The following PRR16 variants were observed in gnomAD, a reference collection of about 807,000 sequenced individuals.
The protein encoded by PRR16 is protein Largen.
In PRR16, 6 loss-of-function variants were observed where a neutral mutation model predicts 18.2. The ratio of observed to expected loss-of-function variants is 0.33; its 90% CI spans 0.18 to 0.65. PRR16 has a LOEUF of 0.65. Among genes scored for constraint, PRR16 ranks in the 30% least tolerant of loss-of-function variants. The pLI is 0.74. For synonymous variants in PRR16, 151 were observed against 147.8 expected (o/e 1.02, Z -0.16); for missense variants, 412 against 376.6 (o/e 1.09, Z -0.78).
At chr5:120,535,389 A>G (rs908835763) in intron 1 of PRR16, among the ~76,000 whole-genome samples, 2 of 152,202 alleles carry the variant, frequency 1.3e-5, no homozygotes, top group African/African-American at 2.4e-5. Flanking sequence ...TTATCAAAAC[A>G]TTGATAGTAA....
At chr5:120,496,884 A>G (rs1750262715) in intron 1 of PRR16, among the ~76,000 whole-genome samples, 1 of 152,052 alleles carries the variant, frequency 6.6e-6, no homozygotes, top group African/African-American at 2.4e-5. Context: ...TTCTCCACAT[A>G]TAGTGACTTG....
rs573860216 is a variant in PRR16 at position 120,673,755 on chromosome 5, A to T, written c.160-12199A>T. Among the ~76,000 whole-genome samples the T allele has an allele frequency of 2.0e-3, 304 of 152,190 alleles. 3 individuals are homozygous for T. The highest frequency in any genetic ancestry group is 3.4e-3 in the Admixed American group (52 of 15,268). Reference sequence around the variant, plus strand: ...GGTGTTTGAGACCAGCCTGTGCAACATAGCAGAAACCCATATCTAAAAAAA... The same window carrying T: ...GGTGTTTGAGACCAGCCTGTGCAACTTAGCAGAAACCCATATCTAAAAAAA... On this transcript the variant is annotated intron_variant, in intron 1 of 1. Transcript: ENST00000407149.
the PRR16 span, among the ~76,000 whole-genome samples, chr5:120,756,819 T>G: frequency 6.6e-6 from 1 of 152,134 alleles, no homozygotes; most frequent in Non-Finnish European, 1.5e-5. Context: ...CTTGTCAATT[T>G]TTGTTTTTGT....
At chr5:120,625,870 C>G (rs1051588576) in intron 1 of PRR16, among the ~76,000 whole-genome samples, 5 of 152,108 alleles carry the variant, frequency 3.3e-5, no homozygotes, top group Non-Finnish European at 5.9e-5. Flanking sequence ...ACCCTCATGA[C>G]AAGCTTATTT....
At chr5:120,503,937 A>C (rs907335288) in intron 1 of PRR16, among the ~76,000 whole-genome samples, 1 of 151,912 alleles carries the variant, frequency 6.6e-6, no homozygotes, top group East Asian at 1.9e-4. Flanking sequence ...ATGATTTCCA[A>C]TTTCATCCAT....
At chr5:120,642,730 C>G (rs113268710) in intron 1 of PRR16, among the ~76,000 whole-genome samples, 186 of 152,240 alleles carry the variant, frequency 1.2e-3, no homozygotes, top group African/African-American at 4.2e-3. Context: ...CAACTGGCTA[C>G]TCACCTTCTG....
At chr5:120,575,354 C>CACACACACACACACACACA (rs397698033) in intron 1 of PRR16, among the ~76,000 whole-genome samples, 2 of 150,376 alleles carry the variant, frequency 1.3e-5, no homozygotes, top group Non-Finnish European at 3.0e-5. Context: ...CACACACACA[C>CACACACACACACACACACA]GAAAACTACC....
the PRR16 span, among the ~76,000 whole-genome samples, chr5:120,752,882 A>G: frequency 6.6e-6 from 1 of 151,958 alleles, no homozygotes; most frequent in Non-Finnish European, 1.5e-5. Flanking sequence ...TTTCTCAGGT[A>G]CAGAATGGGC....
chr5:120,613,906 G>A (rs1561574574), intron 1 of PRR16, among the ~76,000 whole-genome samples: 1 of 152,146 alleles, frequency 6.6e-6, no homozygotes. Flanking sequence ...GATTCTCAGA[G>A]GATGGTGTTA....
intron 1 of PRR16, among the ~76,000 whole-genome samples, chr5:120,633,597 TTAAAG>T (rs1380225905): frequency 6.6e-6 from 1 of 151,946 alleles, no homozygotes; most frequent in Non-Finnish European, 1.5e-5. Context: ...AAAACAAACT[TTAAAG>T]TAACAGAAGT....
At chr5:120,658,792 A>G (rs1756074096) in intron 1 of PRR16, among the ~76,000 whole-genome samples, 1 of 152,010 alleles carries the variant, frequency 6.6e-6, no homozygotes, top group African/African-American at 2.4e-5. Flanking sequence ...CATATTTAAA[A>G]ATTAACACTT....
chr5:120,713,079 A>G, the PRR16 span, among the ~76,000 whole-genome samples: 1 of 152,152 alleles, frequency 6.6e-6, no homozygotes. Flanking sequence ...TCATGGACAG[A>G]TGAATGGATA....
chr5:120,501,379 GA>G (rs1439533849), intron 1 of PRR16, among the ~76,000 whole-genome samples: 1 of 151,832 alleles, frequency 6.6e-6, no homozygotes, highest in African/African-American at 2.4e-5. Flanking sequence ...CTTTTGTCTA[GA>G]AAGAAACAAA....
At chr5:120,684,155 G>A (rs1049566861) in intron 1 of PRR16, among the ~76,000 whole-genome samples, 30 of 152,196 alleles carry the variant, frequency 2.0e-4, no homozygotes, top group African/African-American at 7.2e-4. Flanking sequence ...CTGGATTTCT[G>A]ATTATTCAGA....
chr5:120,689,019 A>C (rs1024355636), downstream of PRR16, among the ~76,000 whole-genome samples: 30 of 152,292 alleles, frequency 2.0e-4, no homozygotes, highest in East Asian at 5.8e-4. Flanking sequence ...CAACACATAA[A>C]TAACTAACTA....
intron 1 of PRR16, among the ~76,000 whole-genome samples, chr5:120,676,134 G>C (rs1011711438): frequency 2.6e-5 from 4 of 151,990 alleles, no homozygotes; most frequent in Admixed American, 2.6e-4. Flanking sequence ...GTCACTGTTT[G>C]TTTTAGTATC....
intron 1 of PRR16, among the ~76,000 whole-genome samples, chr5:120,631,102 CTT>C (rs1372593265): frequency 6.6e-6 from 1 of 152,082 alleles, no homozygotes; most frequent in Non-Finnish European, 1.5e-5. Flanking sequence ...TTATTTAAAA[CTT>C]AATACTTCAA....
intron 1 of PRR16, among the ~76,000 whole-genome samples, chr5:120,654,059 T>C (rs987954829): frequency 1.3e-5 from 2 of 152,042 alleles, no homozygotes; most frequent in Non-Finnish European, 2.9e-5. Flanking sequence ...TTGTAACTAG[T>C]AGATGTGACA....
At chr5:120,470,478 A>G (rs1274524950) in intron 1 of PRR16, among the ~76,000 whole-genome samples, 7 of 152,178 alleles carry the variant, frequency 4.6e-5, no homozygotes, top group African/African-American at 1.4e-4. Context: ...GAAGTTATAC[A>G]AAGTTATAAA....
Sources: allele counts gnomAD v4.1 joint callset (sites outside exome capture counted in the v4.1 genomes callset), GRCh38; gene constraint gnomAD v4.1.1; transcripts MANE v1.5; gene names NCBI Gene and HGNC (gene_info 2026-07-23, HGNC 2026-07-21).